SPATA17: variants seen among roughly 807,000 people sequenced by gnomAD.
The protein encoded by SPATA17 is spermatogenesis associated 17.
A neutral mutation model predicts 62.2 loss-of-function variants in SPATA17; 53 were observed. The ratio of observed to expected loss-of-function variants is 0.85; its 90% CI spans 0.68 to 1.07. The LOEUF is 1.07. Among genes scored for constraint, SPATA17 ranks in the 50% least tolerant of loss-of-function variants. The pLI is 0.00. For synonymous variants in SPATA17, 146 were observed against 146.8 expected, an observed-to-expected ratio of 0.99 and a Z score of 0.04; for missense variants, 466 against 425.5, an observed-to-expected ratio of 1.10 and a Z score of -0.84.
At chr1:217,726,254 C>T (rs989971366) in intron 5 of SPATA17, among the ~76,000 whole-genome samples, 2 of 152,272 alleles carry the variant, frequency 1.3e-5, no homozygotes, top group Middle Eastern at 3.4e-3. Flanking sequence ...ATATTGATTT[C>T]ATGAAGTGGG....
intron 9 of SPATA17, among the ~76,000 whole-genome samples, chr1:217,804,173 T>A (rs1364300087): frequency 2.0e-5 from 3 of 152,150 alleles, no homozygotes; most frequent in Non-Finnish European, 2.9e-5. Flanking sequence ...GTCATAGTAA[T>A]CAATACAACA....
chr1:217,739,876 G>A (rs1011899906), intron 5 of SPATA17, among the ~76,000 whole-genome samples: 7 of 151,974 alleles, frequency 4.6e-5, no homozygotes, highest in Admixed American at 1.3e-4. Flanking sequence ...TCAATAATTG[G>A]ATGAATTTAT....
In SPATA17 at chr1:217,777,077, C is replaced by G. The variant is rs974174776; in HGVS notation, c.723+2540C>G. On this transcript the variant is annotated intron_variant, in intron 7 of 10. Coordinates refer to ENST00000366933, the MANE Select transcript of SPATA17 (RefSeq NM_138796.4). ...CCTTGGGAGTCATCCTAGAGCCTGC[C>G]TTTTATACCCTCAACCATTGAATCA... is the stretch of plus-strand genomic sequence containing the variant. Among the ~76,000 whole-genome samples the G allele has an allele frequency of 3.3e-5, 5 of 152,148 alleles. No homozygotes were observed. The East Asian group carries it at 9.6e-4, about 29-fold the overall frequency.
intron 8 of SPATA17, among the ~76,000 whole-genome samples, chr1:217,800,221 G>T (rs1450187212): frequency 6.6e-6 from 1 of 151,974 alleles, no homozygotes; most frequent in Non-Finnish European, 1.5e-5. Context: ...GTAAAAGAGT[G>T]GCTTTTTGAT....
At position 217,669,066 on chromosome 1, in the gene SPATA17, A is replaced by C. The variant is rs370177382; in HGVS notation, c.274A>C (p.Asn92His). 2 of 1,611,334 alleles carry C rather than the reference A, an allele frequency of 1.2e-6. No individual in the cohort carries two copies. The highest frequency in any genetic ancestry group is 1.7e-6 in the Non-Finnish European group (2 of 1,179,088). ...TTATACTATGATGATGAATCTCTACAATGCAATGGCTGTCAGGGTAAATAT... is the reference window on the plus strand; with the variant it reads ...TTATACTATGATGATGAATCTCTACCATGCAATGGCTGTCAGGGTAAATAT... The part of the protein sequence containing the change: ...AYYTMMMNLY[N>H]AMAVRIQRRW... The change falls in exon 4 of 11, where the codon AAT (asparagine) becomes CAT (histidine). Residue 92 changes from asparagine to histidine, a missense_variant. Transcript: ENST00000366933.
intron 3 of SPATA17, among the ~76,000 whole-genome samples, chr1:217,660,569 TC>T (rs1436407626): frequency 2.6e-5 from 4 of 152,222 alleles, no homozygotes; most frequent in Non-Finnish European, 4.4e-5. Context: ...TGATTCATAC[TC>T]ATCCCACCGA....
chr1:217,782,402 T>C, intron 8 of SPATA17, 80 bp downstream of exon 8: 1 of 1,387,458 alleles, frequency 7.2e-7, no homozygotes, highest in Non-Finnish European at 9.5e-7. Context: ...TCTAATACTG[T>C]AAAAAATCTT....
chr1:217,642,743 T>C (rs980509123), intron 1 of SPATA17, among the ~76,000 whole-genome samples: 81 of 152,096 alleles, frequency 5.3e-4, no homozygotes, highest in African/African-American at 1.9e-3. Context: ...ATGTAAGACA[T>C]GTGTGCTTCT....
intron 9 of SPATA17, among the ~76,000 whole-genome samples, chr1:217,858,506 T>C (rs930572992): frequency 6.6e-6 from 1 of 152,206 alleles, no homozygotes; most frequent in Non-Finnish European, 1.5e-5. Flanking sequence ...CTAGAACAAA[T>C]TACAGAAAAT....
intron 6 of SPATA17, 26 bp downstream of exon 6, chr1:217,742,124 C>G: frequency 6.2e-7 from 1 of 1,612,634 alleles, no homozygotes; most frequent in Non-Finnish European, 8.5e-7. Context: ...CCTGACAGCT[C>G]CTGTAAGCCA....
chr1:217,672,289 A>G (rs1338401619), intron 4 of SPATA17, among the ~76,000 whole-genome samples: 1 of 152,162 alleles, frequency 6.6e-6, no homozygotes, highest in Non-Finnish European at 1.5e-5. Context: ...TCAAAACTAG[A>G]AGTGATTTAA....
At chr1:217,636,407 G>A (rs1669941437) in intron 1 of SPATA17, among the ~76,000 whole-genome samples, 2 of 147,926 alleles carry the variant, frequency 1.4e-5, no homozygotes, top group Non-Finnish European at 3.0e-5. Context: ...TATTATTATT[G>A]ACTTATTATT....
intron 6 of SPATA17, among the ~76,000 whole-genome samples, chr1:217,745,115 C>T (rs1351458293): frequency 6.6e-6 from 1 of 152,160 alleles, no homozygotes; most frequent in African/African-American, 2.4e-5. Flanking sequence ...CCCCCACCTC[C>T]ATTTGACACT....
At chr1:217,684,477 C>T (rs191398487) in intron 5 of SPATA17, among the ~76,000 whole-genome samples, 127 of 152,110 alleles carry the variant, frequency 8.3e-4, no homozygotes, top group African/African-American at 2.6e-3. Flanking sequence ...TGCAGTGGCA[C>T]GATCTCGGCT....
At chr1:217,786,665 G>A (rs1230069959) in intron 8 of SPATA17, among the ~76,000 whole-genome samples, 1 of 152,076 alleles carries the variant, frequency 6.6e-6, no homozygotes, top group Non-Finnish European at 1.5e-5. Context: ...GAATATGATA[G>A]ATGCAGTGAA....
intron 5 of SPATA17, among the ~76,000 whole-genome samples, chr1:217,722,164 A>G (rs539109098): frequency 1.1e-4 from 17 of 152,316 alleles, no homozygotes; most frequent in African/African-American, 3.4e-4. Flanking sequence ...AAAATAAATG[A>G]GGGGTACTTA....
intron 5 of SPATA17, among the ~76,000 whole-genome samples, chr1:217,693,363 C>G (rs1671384796): frequency 9.7e-6 from 1 of 103,420 alleles, no homozygotes; most frequent in Admixed American, 1.1e-4. Flanking sequence ...TTTATTGTGT[C>G]TATTTGATTC....
chr1:217,806,917 C>G (rs2102990093), intron 9 of SPATA17, among the ~76,000 whole-genome samples: 1 of 152,088 alleles, frequency 6.6e-6, no homozygotes, highest in Admixed American at 6.5e-5. Context: ...ATGTAACATA[C>G]AAGTTATATA....
intron 3 of SPATA17, among the ~76,000 whole-genome samples, chr1:217,657,359 C>T (rs1465876793): frequency 1.3e-5 from 2 of 152,164 alleles, no homozygotes; most frequent in Non-Finnish European, 2.9e-5. Flanking sequence ...TCTTTTACAC[C>T]TCACACTGCT....
Sources: gnomAD v4.1 joint callset for allele counts (sites outside exome capture counted in the v4.1 genomes callset) on GRCh38, gnomAD v4.1.1 for gene constraint, MANE v1.5 for transcripts, NCBI Gene and HGNC (gene_info 2026-07-23, HGNC 2026-07-21) for gene names.